HUWE1: variants seen among roughly 807,000 people sequenced by gnomAD.
HUWE1 encodes the protein E3 ubiquitin-protein ligase HUWE1.
In HUWE1, 18 loss-of-function variants were observed where a neutral mutation model predicts 299.4. The observed-to-expected ratio is 0.06, with a 90% CI of 0.04 to 0.09. The LOEUF (loss-of-function observed/expected upper bound fraction) is 0.09. Ranked by LOEUF, HUWE1 falls within the 10% of genes least tolerant of loss-of-function variation. HUWE1 has a pLI of 1.00. For synonymous variants in HUWE1, 1,317 were observed against 1,286.1 expected (o/e 1.02, Z -0.51); for missense variants, 1,832 against 3,462.3 (o/e 0.53, Z 11.82).
At chrX:53,634,343 CTT>C in intron 7 of HUWE1, 45 bp from the exon 8 acceptor site, 1 of 962,765 alleles carries the variant, frequency 1.0e-6, no homozygotes, top group Non-Finnish European at 1.5e-6. Flanking sequence ...CTTATGGTGA[CTT>C]TGCGCCACTG....
At chrX:53,540,657 C>T (rs2061306191) in intron 74 of HUWE1, among the ~76,000 whole-genome samples, 2 of 112,151 alleles carry the variant, frequency 1.8e-5, no homozygotes, top group Non-Finnish European at 1.9e-5. Context: ...GTCATCTTGT[C>T]CTGGGGCAGT....
chrX:53,630,178 C>T (rs1557021468), intron 12 of HUWE1, among the ~76,000 whole-genome samples: 2 of 111,922 alleles, frequency 1.8e-5, no homozygotes, highest in African/African-American at 6.5e-5. Context: ...CAAAGATTTC[C>T]TGAGCACCCA....
chrX:53,590,848 T>C, intron 34 of HUWE1, 152 bp downstream of exon 34: 4 of 686,769 alleles, frequency 5.8e-6, no homozygotes, highest in Non-Finnish European at 6.6e-6. Context: ...AGAAAACTTC[T>C]GTTATTATGA....
At chrX:53,585,398 A>G (rs1556972423) in intron 39 of HUWE1, among the ~76,000 whole-genome samples, 5 of 112,519 alleles carry the variant, frequency 4.4e-5, no homozygotes. Flanking sequence ...TGTCTTCTAA[A>G]GTTCAGGTGT....
intron 35 of HUWE1, 40 bp from the exon 36 acceptor site, chrX:53,589,856 G>A: frequency 8.6e-7 from 1 of 1,159,922 alleles, no homozygotes; most frequent in Non-Finnish European, 1.2e-6. Flanking sequence ...ACACAGGAGA[G>A]GTGAAGGAGG....
intron 4 of HUWE1, among the ~76,000 whole-genome samples, chrX:53,649,666 G>A (rs1188455963): frequency 3.6e-5 from 4 of 112,143 alleles, no homozygotes; most frequent in Non-Finnish European, 7.5e-5. Flanking sequence ...GAGAGGCAGT[G>A]AAGCAGCAGA....
intron 28 of HUWE1, among the ~76,000 whole-genome samples, chrX:53,601,861 G>C (rs2148621751): frequency 9.2e-6 from 1 of 108,597 alleles, no homozygotes; most frequent in East Asian, 2.9e-4. Flanking sequence ...GTAGAGACAG[G>C]GTTTCTCCAT....
chrX:53,625,835 G>GGGGCCA (rs1363185772), intron 17 of HUWE1: 1 of 129,583 alleles, frequency 7.7e-6, no homozygotes, highest in Non-Finnish European at 1.7e-5. Flanking sequence ...GACCAGGACC[G>GGGGCCA]GGGCCGGGGC....
intron 52 of HUWE1, among the ~76,000 whole-genome samples, 193 bp from the exon 53 acceptor site, chrX:53,563,122 C>T (rs2062368990): frequency 8.9e-6 from 1 of 112,296 alleles, no homozygotes; most frequent in Non-Finnish European, 1.9e-5. Flanking sequence ...TCTCAGTTTC[C>T]TCATCTGTAA....
At chrX:53,673,582 C>T (rs1266092744) in intron 3 of HUWE1, among the ~76,000 whole-genome samples, 1 of 111,443 alleles carries the variant, frequency 9.0e-6, no homozygotes, top group Non-Finnish European at 1.9e-5. Context: ...GTTCGTTGTA[C>T]CCTATACAAT....
intron 2 of HUWE1, among the ~76,000 whole-genome samples, chrX:53,684,413 A>G (rs988716487): frequency 1.8e-5 from 2 of 112,111 alleles, no homozygotes; most frequent in Admixed American, 9.4e-5. Context: ...CTCGCCTACC[A>G]CGAGGTTTCC....
intron 28 of HUWE1, among the ~76,000 whole-genome samples, chrX:53,601,408 TC>T (rs2064833969): frequency 9.0e-6 from 1 of 110,690 alleles, no homozygotes; most frequent in African/African-American, 3.3e-5. Flanking sequence ...GGTCTCGAAC[TC>T]CTGGGCTCAA....
chrX:53,647,879 C>T (rs1328170890), intron 5 of HUWE1, among the ~76,000 whole-genome samples: 1 of 112,267 alleles, frequency 8.9e-6, no homozygotes, highest in Non-Finnish European at 1.9e-5. Flanking sequence ...TTGCCAGAAT[C>T]CATTTTATCA....
chrX:53,589,902 A>G, intron 35 of HUWE1, 86 bp from the exon 36 acceptor site: 1 of 974,266 alleles, frequency 1.0e-6, no homozygotes, highest in East Asian at 3.3e-5. Flanking sequence ...TTTTTGCTCT[A>G]CCATATGATT....
chrX:53,592,521 T>C lies in HUWE1; in HGVS notation c.3849A>G (p.Gly1283=). Residue 1283 remains glycine, a synonymous_variant, in exon 33 of 84, where the codon GGA becomes GGG. Coordinates refer to ENST00000262854, the MANE Select transcript of HUWE1 (RefSeq NM_031407.7). ...TTAGTCTCTCTCGAATCACAGGTTC[T>C]CCTCGGAGGATGTGGCATAGAATGG... ...MLAILCHILR[G]EPVIRERLSK... The C allele has an allele frequency of 8.3e-7, 1 of 1,210,544 alleles. No individual in the cohort carries two copies.
intron 80 of HUWE1, 55 bp downstream of exon 80, chrX:53,536,092 G>A (rs1486487733): frequency 1.3e-6 from 1 of 779,914 alleles, no homozygotes; most frequent in East Asian, 3.2e-5. Context: ...GGTGAACCTG[G>A]AATGGATCTT....
intron 21 of HUWE1, 84 bp downstream of exon 21, chrX:53,616,886 A>G (rs1341253309): frequency 1.2e-6 from 1 of 834,483 alleles, no homozygotes; most frequent in African/African-American, 2.1e-5. Flanking sequence ...CCTAACCAGT[A>G]AAACGATGAG....
intron 17 of HUWE1, among the ~76,000 whole-genome samples, chrX:53,627,059 C>T (rs1018101088): frequency 4.5e-5 from 5 of 110,983 alleles, no homozygotes; most frequent in Non-Finnish European, 5.7e-5. Flanking sequence ...TCAGGCACTG[C>T]GGCAGTGAAA....
intron 4 of HUWE1, among the ~76,000 whole-genome samples, chrX:53,650,371 T>C (rs2068376278): frequency 8.9e-6 from 1 of 112,009 alleles, no homozygotes; most frequent in Non-Finnish European, 1.9e-5. Flanking sequence ...ACTTTCCTAA[T>C]GTGAAAAGGC....
Sources: gnomAD v4.1 joint callset for allele counts (sites outside exome capture counted in the v4.1 genomes callset) on GRCh38, gnomAD v4.1.1 for gene constraint, MANE v1.5 for transcripts, NCBI Gene and HGNC (gene_info 2026-07-23, HGNC 2026-07-21) for gene names.